TBC1D8: variants seen among roughly 807,000 people sequenced by gnomAD.
TBC1D8 encodes the protein BUB2-like protein 1.
Under a neutral mutation model 118.8 loss-of-function variants are expected in TBC1D8, and 65 were observed. The observed-to-expected ratio is 0.55, with a 90% CI of 0.45 to 0.67. The LOEUF (loss-of-function observed/expected upper bound fraction) is 0.67. Ranked by LOEUF, TBC1D8 falls within the 30% of genes least tolerant of loss-of-function variation. The pLI is 0.00. For missense variants in TBC1D8, 1,376 were observed against 1,471.2 expected (o/e 0.94, Z 1.06); for synonymous variants, 566 against 595.8 (o/e 0.95, Z 0.73).
In TBC1D8 at chr2:101,054,426, G is replaced by A. The variant is rs146749548; in HGVS notation, c.403-90C>T. The A allele has an allele frequency of 4.3e-4, 561 of 1,314,608 alleles. 3 individuals carry two copies. The African/African-American group carries it at 7.0e-3, about 16-fold the overall frequency. The allele number at this position is 1,314,608 out of a possible 1,614,324, so 81.4% of individuals were successfully genotyped here. ...GACAGGAAGCAGGAGGGACTGAGGT[G>A]CACAGGCCCCCGAGAAGTGTGCGCT... On this transcript the variant is annotated intron_variant, in intron 3 of 19. Transcript: ENST00000409318.
intron 1 of TBC1D8, among the ~76,000 whole-genome samples, chr2:101,106,383 G>A (rs1485424077): frequency 1.3e-5 from 2 of 152,196 alleles, no homozygotes; most frequent in Non-Finnish European, 2.9e-5. Flanking sequence ...TCCTTTAGGA[G>A]GTCAGGGACC....
rs1192512488 is a variant in TBC1D8, at chr2:101,118,680, G to A, written c.128-28316C>T. The stretch of plus-strand genomic sequence containing the variant: ...CCACTGCACTCCAGTCTGGGCGACA[G>A]AATGAAACTCCATCTCAAAAAAAAA... On this transcript the variant is annotated intron_variant, in intron 1 of 19. Coordinates refer to ENST00000409318, the MANE Select transcript of TBC1D8 (RefSeq NM_001330348.2). Among the ~76,000 whole-genome samples, 3 of 116,126 alleles carry A rather than the reference G, an allele frequency of 2.6e-5. No individual in the cohort carries two copies. The East Asian group carries it at 8.3e-4, about 32-fold the overall frequency. The allele number at this position is 116,126 out of a possible 152,430, so 76.2% of individuals were successfully genotyped here.
chr2:101,090,208 C>T lies in TBC1D8; in HGVS notation c.283+1G>A. ...AACATTCCAACTGGAACAAAACTCA[C>T]CAGTGGCTATGGCCCAGTAAACGTC... On this transcript the variant is annotated splice_donor_variant, in intron 2 of 19. Coordinates refer to ENST00000409318, the MANE Select transcript of TBC1D8 (RefSeq NM_001330348.2). LOFTEE classifies it high-confidence loss of function. 6.2e-7 allele frequency: 1 copy of T among 1,611,850 alleles called. No individual in the cohort carries two copies. The highest frequency in any genetic ancestry group is 8.5e-7 in the Non-Finnish European group (1 of 1,178,850).
At chr2:101,021,207 C>T (rs533696896) in intron 17 of TBC1D8, among the ~76,000 whole-genome samples, 16 of 152,200 alleles carry the variant, frequency 1.1e-4, no homozygotes, top group African/African-American at 3.1e-4. Flanking sequence ...GTCTTGTTCC[C>T]GTCAATGTCA....
At chr2:101,101,757 A>G (rs1340713959) in intron 1 of TBC1D8, among the ~76,000 whole-genome samples, 1 of 152,170 alleles carries the variant, frequency 6.6e-6, no homozygotes, top group Non-Finnish European at 1.5e-5. Context: ...GGGATAGATG[A>G]AGCTGGAAGC....
In TBC1D8 at chr2:101,151,118, GC is replaced by G; in HGVS notation, c.127+8del. 1 of 1,074,800 alleles carries G rather than the reference GC, an allele frequency of 9.3e-7. No individual in the cohort carries two copies. The highest frequency in any genetic ancestry group is 1.1e-6 in the Non-Finnish European group (1 of 877,090). The allele number at this position is 1,074,800 out of a possible 1,614,324, so 66.6% of individuals were successfully genotyped here. A position where few individuals can be genotyped will look rare whatever the true frequency, so the allele number is the denominator to read the frequency against. The stretch of plus-strand genomic sequence containing the variant: ...CCGGCCGCCGCGCCCGCCCCGGCGA[GC>G]CCCTTACCGGTGAGGCGGCCGCCCC... On this transcript the variant is annotated splice_region_variant and intron_variant, in intron 1 of 19. Coordinates refer to ENST00000409318, the MANE Select transcript of TBC1D8 (RefSeq NM_001330348.2).
chr2:101,100,989 C>T (rs1676787631), intron 1 of TBC1D8, among the ~76,000 whole-genome samples: 1 of 152,120 alleles, frequency 6.6e-6, no homozygotes, highest in Admixed American at 6.6e-5. Flanking sequence ...GACATGAGCA[C>T]AGACTTCATG....
At chr2:101,142,683 T>C (rs1679159710) in intron 1 of TBC1D8, among the ~76,000 whole-genome samples, 1 of 152,186 alleles carries the variant, frequency 6.6e-6, no homozygotes, top group Non-Finnish European at 1.5e-5. Context: ...TGAATAAAAG[T>C]ATATTTTGTA....
intron 2 of TBC1D8, among the ~76,000 whole-genome samples, chr2:101,077,141 A>G (rs1363541258): frequency 6.6e-6 from 1 of 151,858 alleles, no homozygotes; most frequent in Non-Finnish European, 1.5e-5. Context: ...CTCCTGCCTC[A>G]GCCTCCCGGG....
chr2:101,049,322 G>A (rs375321979), intron 5 of TBC1D8, among the ~76,000 whole-genome samples: 16 of 152,162 alleles, frequency 1.1e-4, no homozygotes, highest in Admixed American at 5.9e-4. Context: ...AACAAACCAC[G>A]TAGCATACTG....
intron 1 of TBC1D8, among the ~76,000 whole-genome samples, chr2:101,097,557 T>TAA (rs79801373): frequency 0.15 from 22,503 of 148,406 alleles, 1,810 homozygotes; most frequent in Middle Eastern, 0.24. Context: ...CTCTGTTATT[T>TAA]AAAAAAAAAA....
chr2:101,121,384 C>T (rs760920863), intron 1 of TBC1D8, among the ~76,000 whole-genome samples: 7 of 152,180 alleles, frequency 4.6e-5, no homozygotes, highest in Non-Finnish European at 8.8e-5. Context: ...ACACTAGAGG[C>T]GGACACAGTC....
Position 101,090,253 on chromosome 2 carries a change from C to T in TBC1D8, c.239G>A (p.Gly80Asp). The part of the protein sequence containing the change: ...GSQVYSPIAC[G>D]ELLNGSDVYW... ...AACGTCTGATCCATTCAGTAACTCA[C>T]CACATGCTATGGGAGAATAAACCTG... The change falls in exon 2 of 20, where the codon GGT becomes GAT. Residue 80 changes from glycine to aspartate, a missense_variant. Coordinates refer to ENST00000409318, the MANE Select transcript of TBC1D8 (RefSeq NM_001330348.2). The T allele has an allele frequency of 5.6e-6, 9 of 1,613,972 alleles. No homozygotes were observed. The highest frequency in any genetic ancestry group is 7.6e-6 in the Non-Finnish European group (9 of 1,179,886).
At chr2:101,057,508 T>C (rs575545745) in intron 3 of TBC1D8, among the ~76,000 whole-genome samples, 1 of 152,352 alleles carries the variant, frequency 6.6e-6, no homozygotes, top group East Asian at 1.9e-4. Context: ...TTCTGTTACA[T>C]ATATGCATGC....
intron 1 of TBC1D8, among the ~76,000 whole-genome samples, chr2:101,138,725 C>A (rs2104273286): frequency 6.6e-6 from 1 of 152,310 alleles, no homozygotes; most frequent in African/African-American, 2.4e-5. Context: ...TGTGCCCTCT[C>A]TGGGTGGGCT....
chr2:101,028,425 C>T lies in TBC1D8; in HGVS notation c.2230G>A (p.Asp744Asn). Residue 744 changes from aspartate to asparagine, a missense_variant, in exon 13 of 20, where the codon GAT (aspartate) becomes AAT (asparagine). Asp to Asn is a conservative substitution (Grantham distance 23, BLOSUM62 1). Transcript: ENST00000409318. Reference sequence around the variant, plus strand: ...GGGCTGTCCTCATTCTTAATGTGATCTAGAAACCTGAACACACCGCCCCGT... The same window carrying T: ...GGGCTGTCCTCATTCTTAATGTGATTTAGAAACCTGAACACACCGCCCCGT... ...QALMILSRFL[D>N]HIKNEDSPGP... The T allele has an allele frequency of 6.4e-7, 1 of 1,573,868 alleles. No homozygotes were observed. The highest frequency in any genetic ancestry group is 8.6e-7 in the Non-Finnish European group (1 of 1,161,820).
At chr2:101,090,386 A>G in intron 1 of TBC1D8, 22 bp from the exon 2 acceptor site, 1 of 1,613,198 alleles carries the variant, frequency 6.2e-7, no homozygotes, top group Non-Finnish European at 8.5e-7. Context: ...AAGAGAAGAA[A>G]GTGCACCTGT....
chr2:101,099,032 T>G (rs183744080), intron 1 of TBC1D8, among the ~76,000 whole-genome samples: 1 of 130,606 alleles, frequency 7.7e-6, no homozygotes, highest in East Asian at 2.2e-4. Flanking sequence ...GTGGAGGAGA[T>G]AGAGACACGA....
At position 101,010,892 on chromosome 2, in the gene TBC1D8, A is replaced by G. The variant is rs778558336; in HGVS notation, c.3015+37T>C. On this transcript the variant is annotated intron_variant, in intron 19 of 19. Transcript: ENST00000409318. ...GCGAGACTCCATCTCAAAAAAAAAA[A>G]AAAAAGTTAATTCTCTGCACTGAAG... is the stretch of plus-strand genomic sequence containing the variant. The G allele has an allele frequency of 4.0e-5, 63 of 1,577,734 alleles. No homozygotes were observed. The Admixed American group carries it at 1.1e-3, about 27-fold the overall frequency.
Sources: allele counts gnomAD v4.1 joint callset (sites outside exome capture counted in the v4.1 genomes callset), GRCh38; gene constraint gnomAD v4.1.1; transcripts MANE v1.5; gene names NCBI Gene and HGNC (gene_info 2026-07-23, HGNC 2026-07-21).